Variants in FYN observed in about 807,000 individuals in gnomAD.
FYN encodes the protein FYN proto-oncogene, Src family tyrosine kinase.
A neutral mutation model predicts 70.2 loss-of-function variants in FYN; 10 were observed. The ratio of observed to expected loss-of-function variants is 0.14; its 90% CI spans 0.09 to 0.24. The LOEUF (loss-of-function observed/expected upper bound fraction) is 0.24. FYN is among the 10% of genes least tolerant of loss of function. The pLI is 1.00. For missense variants in FYN, 319 were observed against 673.1 expected (o/e 0.47, Z 5.82); for synonymous variants, 236 against 248.6 (o/e 0.95, Z 0.48).
At chr6:111,816,670 C>T (rs1239589446) in intron 2 of FYN, among the ~76,000 whole-genome samples, 2 of 152,248 alleles carry the variant, frequency 1.3e-5, no homozygotes, top group African/African-American at 2.4e-5. Flanking sequence ...CCAATAAAAA[C>T]TATTATCATG....
chr6:111,851,249 T>G (rs1198757241), intron 1 of FYN, among the ~76,000 whole-genome samples: 1 of 152,260 alleles, frequency 6.6e-6, no homozygotes, highest in African/African-American at 2.4e-5. Context: ...CTATGTGTAC[T>G]TTGTATTACT....
Position 111,694,633 on chromosome 6 carries a change from C to T in FYN, c.1114G>A (p.Ala372Thr). 2 of 1,614,110 alleles carry T rather than the reference C, an allele frequency of 1.2e-6. No homozygotes were observed. Among genetic ancestry groups the T allele is most frequent in the Non-Finnish European group, 1.7e-6 (2 of 1,179,984 alleles). ...AGTTACCCTGCAGGGCCTACCTGTG[C>T]TGCCATGTCCACAAGATTTGGTAAT... ...LKLPNLVDMA[A>T]QVAAGMAYIE... The change falls in exon 11 of 14, where the codon GCA becomes ACA. Residue 372 changes from alanine to threonine, a missense_variant. Transcript: ENST00000354650. The surrounding 1 kb of genome is among the most constrained non-coding windows in gnomAD (Gnocchi z 5.0).
At chr6:111,851,753 G>A (rs57650567) in intron 1 of FYN, among the ~76,000 whole-genome samples, 3,319 of 152,242 alleles carry the variant, frequency 0.022, 91 homozygotes, top group East Asian at 0.14. Flanking sequence ...GGCCAGGTAA[G>A]CAACATAAAT....
At chr6:111,811,029 G>T (rs1209399373) in intron 2 of FYN, among the ~76,000 whole-genome samples, 6 of 152,194 alleles carry the variant, frequency 3.9e-5, no homozygotes, top group African/African-American at 1.4e-4. Context: ...TTTTACTAAA[G>T]AATAATTGGA....
chr6:111,709,738 A>G (rs1190181466), intron 5 of FYN, among the ~76,000 whole-genome samples: 1 of 152,220 alleles, frequency 6.6e-6, no homozygotes. Flanking sequence ...GAATATAGGT[A>G]CAGTATATAT....
At chr6:111,756,758 A>G (rs1382313657) in intron 3 of FYN, among the ~76,000 whole-genome samples, 1 of 152,218 alleles carries the variant, frequency 6.6e-6, no homozygotes, top group Non-Finnish European at 1.5e-5. Flanking sequence ...CTCAGTAATA[A>G]TTAACACATT....
At chr6:111,731,595 A>G (rs1801456337) in intron 3 of FYN, among the ~76,000 whole-genome samples, 1 of 152,246 alleles carries the variant, frequency 6.6e-6, no homozygotes, top group Non-Finnish European at 1.5e-5. Context: ...CAGCAGGGAT[A>G]ACTTTTGCAT....
Position 111,661,965 on chromosome 6 carries a change from G to A in FYN, c.1406-18C>T. 3 of 1,582,442 alleles carry A rather than the reference G, an allele frequency of 1.9e-6. No homozygotes were observed. The highest frequency in any genetic ancestry group is 2.6e-6 in the Non-Finnish European group (3 of 1,162,084). On this transcript the variant is annotated intron_variant, in intron 13 of 13. Transcript: ENST00000354650. This position sits in a 1 kb window ranked among gnomAD's most constrained non-coding sequence, Gnocchi z 4.0. The stretch of plus-strand genomic sequence containing the variant: ...GTTCATGCCTGCAAAGACAAGCGCA[G>A]TGAGAGTGGGCACCCCGGGGATCCA...
intron 2 of FYN, chr6:111,798,367 T>C (rs1771886276): frequency 6.6e-6 from 1 of 152,152 alleles, no homozygotes; most frequent in African/African-American, 2.4e-5. Flanking sequence ...GCAAAGAGGT[T>C]TCAAAACAGA....
chr6:111,824,520 A>G (rs1400879061), intron 2 of FYN, among the ~76,000 whole-genome samples: 2 of 152,200 alleles, frequency 1.3e-5, no homozygotes, highest in East Asian at 3.8e-4. Context: ...GTTGTTGCCC[A>G]TGACTCTGTA....
chr6:111,667,482 G>A (rs1160666310), intron 13 of FYN, among the ~76,000 whole-genome samples: 3 of 151,646 alleles, frequency 2.0e-5, no homozygotes, highest in African/African-American at 4.9e-5. Context: ...TTGAACTTCT[G>A]GCCTCAAGCG....
At chr6:111,704,253 T>G in intron 6 of FYN, 151 bp from the exon 7 acceptor site, 1 of 626,662 alleles carries the variant, frequency 1.6e-6, no homozygotes. Flanking sequence ...CTTAATTCAG[T>G]TCCTTTTCAA....
rs553212245 is a variant in FYN at position 111,822,776 on chromosome 6, A to T, written c.-82+23813T>A. 5.9e-5 allele frequency among the ~76,000 whole-genome samples: 9 copies of T among 152,236 alleles called. No individual in the cohort carries two copies. In the South Asian group the frequency reaches 1.7e-3, roughly 28 times the overall value. On this transcript the variant is annotated intron_variant, in intron 2 of 13. Coordinates refer to ENST00000354650, the MANE Select transcript of FYN (RefSeq NM_002037.5). The stretch of plus-strand genomic sequence containing the variant: ...GAGAGATGAGTGAGAAGTAGAAGGA[A>T]ATGCAAGAGAGAGTAGAGTCAGAGA...
chr6:111,695,960 C>A (rs1371330479), intron 10 of FYN, among the ~76,000 whole-genome samples: 1 of 152,182 alleles, frequency 6.6e-6, no homozygotes, highest in Non-Finnish European at 1.5e-5. Flanking sequence ...TTCAAAATAA[C>A]AGCAAACTAT....
chr6:111,826,357 T>C (rs571028801), intron 2 of FYN, among the ~76,000 whole-genome samples: 15 of 152,128 alleles, frequency 9.9e-5, no homozygotes, highest in East Asian at 3.9e-4. Flanking sequence ...CTTCTATATA[T>C]GTGTATATGT....
intron 12 of FYN, among the ~76,000 whole-genome samples, chr6:111,690,424 T>A (rs1165290463): frequency 6.6e-6 from 1 of 152,194 alleles, no homozygotes. Context: ...CAAACCCAAA[T>A]GCATCCTCTT....
chr6:111,689,697 T>C (rs555273713), intron 12 of FYN, among the ~76,000 whole-genome samples: 3 of 152,294 alleles, frequency 2.0e-5, no homozygotes, highest in South Asian at 2.1e-4. Context: ...ATAGGATTCA[T>C]GTCTGTGATG....
Position 111,677,793 on chromosome 6 carries a change from A to G in FYN, c.1274-3163T>C, listed in dbSNP as rs540847893. Among the ~76,000 whole-genome samples, 57 of 152,332 alleles carry G rather than the reference A, an allele frequency of 3.7e-4. 1 individual carries two copies. The highest frequency in any genetic ancestry group is 3.4e-3 in the Middle Eastern group (1 of 294). On this transcript the variant is annotated intron_variant, in intron 12 of 13. Transcript: ENST00000354650. Reference sequence around the variant, plus strand: ...ACAGAACAACGGAGAAAACATCAGGAGAACCGCAATGCAGTTAACTTGGAA... The same window carrying G: ...ACAGAACAACGGAGAAAACATCAGGGGAACCGCAATGCAGTTAACTTGGAA...
intron 10 of FYN, among the ~76,000 whole-genome samples, chr6:111,695,533 A>G (rs1799534138): frequency 6.6e-6 from 1 of 152,236 alleles, no homozygotes; most frequent in Admixed American, 6.5e-5. Context: ...TCACAAAGTT[A>G]TTTACAAAAT....
Sources: allele counts gnomAD v4.1 joint callset (sites outside exome capture counted in the v4.1 genomes callset), GRCh38; gene constraint gnomAD v4.1.1; non-coding constraint Gnocchi (gnomAD v3.1); transcripts MANE v1.5; gene names NCBI Gene and HGNC (gene_info 2026-07-23, HGNC 2026-07-21).